KDM4C: variants seen among roughly 807,000 people sequenced by gnomAD.
KDM4C encodes lysine-specific demethylase 4C.
In KDM4C, 81 loss-of-function variants were observed where a neutral mutation model predicts 129.3. That is an observed-to-expected ratio of 0.63 (90% CI 0.52 to 0.75). The LOEUF is 0.75. KDM4C is among the 30% of genes least tolerant of loss of function. KDM4C has a pLI of 0.00. For synonymous variants in KDM4C, 573 were observed against 456.1 expected, an observed-to-expected ratio of 1.26 and a Z score of -3.26; for missense variants, 1,457 against 1,304.0, an observed-to-expected ratio of 1.12 and a Z score of -1.81.
chr9:6,843,829 T>A (rs1338767873), intron 4 of KDM4C, among the ~76,000 whole-genome samples: 2 of 152,152 alleles, frequency 1.3e-5, no homozygotes, highest in African/African-American at 4.8e-5. Context: ...TCTAAAAAAA[T>A]CTTTTTTGTA....
chr9:6,961,094 G>C (rs78948078), intron 8 of KDM4C, among the ~76,000 whole-genome samples: 3,406 of 152,232 alleles, frequency 0.022, 102 homozygotes, highest in East Asian at 0.14. Context: ...CTCTTGAATA[G>C]CCACACAAGT....
At chr9:7,100,303 T>A (rs1017178259) in intron 17 of KDM4C, among the ~76,000 whole-genome samples, 1 of 152,212 alleles carries the variant, frequency 6.6e-6, no homozygotes, top group Non-Finnish European at 1.5e-5. Flanking sequence ...CTACCTAACC[T>A]ACAGTAGTGT....
At chr9:6,926,828 T>TCC (rs1822657995) in intron 8 of KDM4C, among the ~76,000 whole-genome samples, 1 of 152,238 alleles carries the variant, frequency 6.6e-6, no homozygotes, top group South Asian at 2.1e-4. Flanking sequence ...TGGCTTGTAG[T>TCC]TCAGCAGTGG....
intron 9 of KDM4C, among the ~76,000 whole-genome samples, chr9:6,983,114 GATGATC>G (rs1193922891): frequency 6.6e-6 from 1 of 152,166 alleles, no homozygotes; most frequent in Non-Finnish European, 1.5e-5. Context: ...CAATGATGGT[GATGATC>G]ATACTACTGC....
chr9:6,992,021 T>G (rs921423886), intron 12 of KDM4C, among the ~76,000 whole-genome samples: 6 of 151,380 alleles, frequency 4.0e-5, no homozygotes, highest in African/African-American at 1.5e-4. Flanking sequence ...TTCTTTTTCT[T>G]TTTTTTTTGC....
At chr9:6,777,179 T>C (rs1443073330) in intron 1 of KDM4C, among the ~76,000 whole-genome samples, 1 of 152,200 alleles carries the variant, frequency 6.6e-6, no homozygotes, top group Admixed American at 6.5e-5. Flanking sequence ...TAGGCAGCTA[T>C]CTGGGAAGAA....
intron 17 of KDM4C, among the ~76,000 whole-genome samples, chr9:7,082,557 C>A (rs1227721752): frequency 6.6e-6 from 1 of 152,200 alleles, no homozygotes; most frequent in Non-Finnish European, 1.5e-5. Context: ...TGCTTCCCAT[C>A]CGTGAGTCTC....
intron 8 of KDM4C, among the ~76,000 whole-genome samples, chr9:6,900,751 A>G (rs1043138478): frequency 2.0e-5 from 3 of 152,186 alleles, no homozygotes; most frequent in African/African-American, 4.8e-5. Context: ...TGAGGCTTTG[A>G]CTTTGCTCTT....
Position 7,058,780 on chromosome 9 carries a change from A to T in KDM4C, c.2424+9580A>T, listed in dbSNP as rs189426117. ...TTAGAAAGCACTTCCACTGCCTGCT[A>T]TAATACATCATGGCCTTGAGGTAAA... On this transcript the variant is annotated intron_variant, in intron 17 of 21. Coordinates refer to ENST00000381309, the MANE Select transcript of KDM4C (RefSeq NM_015061.6). Among the ~76,000 whole-genome samples the T allele has an allele frequency of 2.6e-5, 4 of 152,330 alleles. No homozygotes were observed. The East Asian group carries it at 7.7e-4, about 29-fold the overall frequency.
intron 5 of KDM4C, among the ~76,000 whole-genome samples, chr9:6,872,800 G>A (rs1304558264): frequency 2.0e-5 from 3 of 152,136 alleles, no homozygotes; most frequent in Non-Finnish European, 2.9e-5. Flanking sequence ...TACAGCACAG[G>A]CAAAGTAGGT....
In KDM4C at chr9:6,867,197, G is replaced by A. The variant is rs147322120; in HGVS notation, c.630-12815G>A. ...CACCCAGCTAATTTTTTGTATTTTA[G>A]TAGAGACGGGGTTTCACCATGTTGG... is the stretch of plus-strand genomic sequence containing the variant. On this transcript the variant is annotated intron_variant, in intron 5 of 21. Coordinates refer to ENST00000381309, the MANE Select transcript of KDM4C (RefSeq NM_015061.6). Among the ~76,000 whole-genome samples the A allele has an allele frequency of 3.5e-3, 534 of 151,910 alleles. 3 individuals carry two copies. The highest frequency in any genetic ancestry group is 0.011 in the African/African-American group (465 of 41,416).
chr9:6,823,281 T>C (rs1356539222), intron 4 of KDM4C, among the ~76,000 whole-genome samples: 1 of 152,188 alleles, frequency 6.6e-6, no homozygotes, highest in Non-Finnish European at 1.5e-5. Context: ...AGGTCAGTCT[T>C]CAGTGGCCCC....
At chr9:6,810,594 G>T (rs1364601767) in intron 3 of KDM4C, among the ~76,000 whole-genome samples, 1 of 152,082 alleles carries the variant, frequency 6.6e-6, no homozygotes, top group Non-Finnish European at 1.5e-5. Context: ...AATTTACGCT[G>T]GGTACAGTGG....
intron 17 of KDM4C, among the ~76,000 whole-genome samples, chr9:7,054,363 T>C (rs1231009573): frequency 6.6e-6 from 1 of 152,196 alleles, no homozygotes; most frequent in Non-Finnish European, 1.5e-5. Flanking sequence ...TGATTGGCCG[T>C]AGTCATAAGT....
intron 8 of KDM4C, among the ~76,000 whole-genome samples, chr9:6,902,337 T>A (rs1241601468): frequency 6.6e-6 from 1 of 152,110 alleles, no homozygotes; most frequent in African/African-American, 2.4e-5. Flanking sequence ...ATAGAGTAGA[T>A]GTTAAAGATA....
Position 7,174,592 on chromosome 9 carries a change from G to C in KDM4C, c.3034G>C (p.Gly1012Arg). 1 of 1,614,182 alleles carries C rather than the reference G, an allele frequency of 6.2e-7. No individual in the cohort carries two copies. The highest frequency in any genetic ancestry group is 1.1e-5 in the South Asian group (1 of 91,086). ...CATGCGATTTGAAGACACGTTTTATGGAGCAGACATTATCCAAGGGGAGAG... is the reference window on the plus strand; with the variant it reads ...CATGCGATTTGAAGACACGTTTTATCGAGCAGACATTATCCAAGGGGAGAG... ...SDMRFEDTFY[G>R]ADIIQGERKR... Residue 1012 changes from glycine (G) to arginine (R), a missense_variant, in exon 22 of 22, where the codon GGA (glycine) becomes CGA (arginine). Gly to Arg is a moderately radical substitution (Grantham distance 125). Coordinates refer to ENST00000381309, the MANE Select transcript of KDM4C (RefSeq NM_015061.6).
intron 19 of KDM4C, among the ~76,000 whole-genome samples, chr9:7,162,834 T>G (rs1843944147): frequency 6.6e-6 from 1 of 152,102 alleles, no homozygotes; most frequent in African/African-American, 2.4e-5. Context: ...CCTGAGGCGT[T>G]GACTTGCCTC....
At chr9:7,054,096 C>T (rs1830561043) in intron 17 of KDM4C, among the ~76,000 whole-genome samples, 2 of 152,252 alleles carry the variant, frequency 1.3e-5, no homozygotes, top group South Asian at 4.2e-4. Context: ...TACTGCAAAC[C>T]CCTTCCCTGT....
At position 6,869,687 on chromosome 9, in the gene KDM4C, T is replaced by G. The variant is rs1588840488; in HGVS notation, c.630-10325T>G. On this transcript the variant is annotated intron_variant, in intron 5 of 21. Coordinates refer to ENST00000381309, the MANE Select transcript of KDM4C (RefSeq NM_015061.6). ...TTTATACTCAAGCCTGGACCATCCC[T>G]TGCATGTGGGCCGCCATTCCCTCCC... is the stretch of plus-strand genomic sequence containing the variant. Among the ~76,000 whole-genome samples the G allele has an allele frequency of 2.0e-5, 3 of 152,312 alleles. No individual in the cohort carries two copies. The East Asian group carries it at 5.8e-4, about 29-fold the overall frequency.
Sources: allele counts gnomAD v4.1 joint callset (sites outside exome capture counted in the v4.1 genomes callset), GRCh38; gene constraint gnomAD v4.1.1; transcripts MANE v1.5; gene names NCBI Gene and HGNC (gene_info 2026-07-23, HGNC 2026-07-21).